Variants in NECTIN3 observed in about 807,000 individuals in gnomAD.
NECTIN3 encodes nectin cell adhesion molecule 3, also known as nectin-3.
NECTIN3 carries 8 observed loss-of-function variants against 49.4 expected under a neutral mutation model. The observed-to-expected ratio is 0.16, with a 90% CI of 0.10 to 0.29. NECTIN3 has a LOEUF of 0.29. NECTIN3 is among the 10% of genes least tolerant of loss of function. NECTIN3 has a pLI of 1.00. For synonymous variants in NECTIN3, 277 were observed against 241.1 expected (o/e 1.15, Z -1.38); for missense variants, 581 against 654.6 (o/e 0.89, Z 1.23).
intron 7 of NECTIN3, among the ~76,000 whole-genome samples, chr3:111,169,738 T>G (rs2035399141): frequency 6.6e-6 from 1 of 152,162 alleles, no homozygotes; most frequent in Non-Finnish European, 1.5e-5. Flanking sequence ...AGGGCAACAG[T>G]GTTATATTCA....
intron 7 of NECTIN3, among the ~76,000 whole-genome samples, chr3:111,168,145 C>G (rs1027027511): frequency 6.6e-6 from 1 of 152,070 alleles, no homozygotes; most frequent in Middle Eastern, 3.4e-3. Context: ...CTTGTAGTAA[C>G]CTTGGATGAA....
At position 111,126,166 on chromosome 3, in the gene NECTIN3, A is replaced by G. The variant is rs1041796047; in HGVS notation, c.918-18A>G. The G allele has an allele frequency of 6.6e-7, 1 of 1,515,288 alleles. No homozygotes were observed. Among genetic ancestry groups the G allele is most frequent in the Admixed American group, 2.3e-5 (1 of 44,428 alleles). The allele number at this position is 1,515,288 out of a possible 1,614,324, so 93.9% of individuals were successfully genotyped here. ...GTCTGAAGATATTTAAAATAATTTT[A>G]TGCATTTTAAAATCTAGGTTGGATG... On this transcript the variant is annotated intron_variant, in intron 4 of 5. Transcript: ENST00000485303.
At chr3:111,155,223 C>T (rs1219970220) in intron 7 of NECTIN3, among the ~76,000 whole-genome samples, 2 of 152,172 alleles carry the variant, frequency 1.3e-5, no homozygotes, top group Admixed American at 1.3e-4. Context: ...AGGCGTGAGC[C>T]GCCACGCCCA....
At chr3:111,168,592 G>T (rs1368410940) in intron 7 of NECTIN3, among the ~76,000 whole-genome samples, 4 of 152,160 alleles carry the variant, frequency 2.6e-5, no homozygotes, top group Non-Finnish European at 4.4e-5. Flanking sequence ...CTGGCAAATG[G>T]TTGGTGCTCA....
chr3:111,161,470 C>A (rs895330162), intron 7 of NECTIN3, among the ~76,000 whole-genome samples: 1 of 152,116 alleles, frequency 6.6e-6, no homozygotes, highest in Non-Finnish European at 1.5e-5. Flanking sequence ...GGTCCCCAAC[C>A]CCCACGTCAC....
chr3:111,147,324 T>TA, intron 6 of NECTIN3: 1 of 1,127,360 alleles, frequency 8.9e-7, no homozygotes, highest in South Asian at 1.5e-5. Flanking sequence ...TCTCAAAACT[T>TA]ATGAGAACCT....
At chr3:111,190,679 T>C (rs563120263), upstream of NECTIN3, among the ~76,000 whole-genome samples, 1 of 152,148 alleles carries the variant, frequency 6.6e-6, no homozygotes, top group African/African-American at 2.4e-5. Context: ...ACAGCTCCAC[T>C]CTTATACCCT....
At chr3:111,072,685 C>T (rs2030870813) in intron 1 of NECTIN3, 1 of 1,101,592 alleles carries the variant, frequency 9.1e-7, no homozygotes, top group South Asian at 1.5e-5. Flanking sequence ...GCAGAATCCC[C>T]TACAGCTAGT....
intron 7 of NECTIN3, among the ~76,000 whole-genome samples, chr3:111,171,774 AAAATT>A (rs2035437518): frequency 1.3e-5 from 2 of 152,324 alleles, no homozygotes; most frequent in African/African-American, 4.8e-5. Flanking sequence ...GTTAAAAAAA[AAAATT>A]AAGTTACAAT....
chr3:111,174,420 C>T (rs1477841), intron 7 of NECTIN3, among the ~76,000 whole-genome samples: 44,712 of 151,912 alleles, frequency 0.29, 12,323 homozygotes, highest in African/African-American at 0.71. Context: ...ATGTGCTTGA[C>T]CGTGGGGTTC....
chr3:111,116,282 T>TA (rs1357277272), intron 2 of NECTIN3, among the ~76,000 whole-genome samples: 3 of 152,300 alleles, frequency 2.0e-5, no homozygotes, highest in Non-Finnish European at 4.4e-5. Context: ...AAAATGTTAT[T>TA]CTAGCAGCCA....
At chr3:111,072,882 G>C in intron 1 of NECTIN3, 2 of 260,322 alleles carry the variant, frequency 7.7e-6, no homozygotes, top group South Asian at 8.7e-5. Flanking sequence ...TGCCCCGGCT[G>C]TTCTAACCAA....
At chr3:111,121,680 T>A (rs2033961384) in intron 3 of NECTIN3, among the ~76,000 whole-genome samples, 1 of 152,216 alleles carries the variant, frequency 6.6e-6, no homozygotes, top group Admixed American at 6.5e-5. Context: ...AGATATTTCC[T>A]TTTAGATTAA....
intron 1 of NECTIN3, among the ~76,000 whole-genome samples, chr3:111,082,312 C>G (rs2031661529): frequency 6.6e-6 from 1 of 151,870 alleles, no homozygotes; most frequent in Non-Finnish European, 1.5e-5. Context: ...GGTTGTGAAA[C>G]TGGGAATTAT....
intron 1 of NECTIN3, among the ~76,000 whole-genome samples, chr3:111,101,659 G>T (rs1213970624): frequency 2.6e-5 from 4 of 152,078 alleles, no homozygotes; most frequent in Non-Finnish European, 4.4e-5. Flanking sequence ...CAGTATGATT[G>T]TCACTAGCTA....
intron 1 of NECTIN3, among the ~76,000 whole-genome samples, chr3:111,107,985 A>G (rs73854905): frequency 0.032 from 4,865 of 152,276 alleles, 89 homozygotes; most frequent in Middle Eastern, 0.058. Flanking sequence ...AAATTTATTA[A>G]TACTAGAAGA....
At chr3:111,103,878 T>G (rs2033041819) in intron 1 of NECTIN3, among the ~76,000 whole-genome samples, 1 of 152,196 alleles carries the variant, frequency 6.6e-6, no homozygotes, top group Non-Finnish European at 1.5e-5. Flanking sequence ...TTTCATTGTA[T>G]GGGTTTACCA....
At chr3:111,076,712 G>A (rs2031225085) in intron 1 of NECTIN3, among the ~76,000 whole-genome samples, 1 of 152,112 alleles carries the variant, frequency 6.6e-6, no homozygotes, top group Non-Finnish European at 1.5e-5. Flanking sequence ...GCTCACGCCT[G>A]TAATCCCAGC....
At chr3:111,140,803 T>TA (rs148989078), downstream of NECTIN3, among the ~76,000 whole-genome samples, 806 of 152,048 alleles carry the variant, frequency 5.3e-3, 7 homozygotes, top group African/African-American at 0.018. Flanking sequence ...TCCCCGTAGA[T>TA]ACAGTGGGTG....
Sources: gnomAD v4.1 joint callset for allele counts (sites outside exome capture counted in the v4.1 genomes callset) on GRCh38, gnomAD v4.1.1 for gene constraint, MANE v1.5 for transcripts, NCBI Gene and HGNC (gene_info 2026-07-23, HGNC 2026-07-21) for gene names.